Variants in NLRP14 observed in about 807,000 individuals in gnomAD.
The protein encoded by NLRP14 is NACHT, LRR and PYD domains-containing protein 14.
In NLRP14, 105 loss-of-function variants were observed where a neutral mutation model predicts 94.7. The observed-to-expected ratio is 1.11, with a 90% CI of 0.95 to 1.30. The LOEUF (loss-of-function observed/expected upper bound fraction) is 1.30, where lower values mean the gene tolerates loss of function less well. Ranked by LOEUF, NLRP14 falls within the 50% of genes most tolerant of loss-of-function variation. NLRP14 has a pLI of 0.00. For synonymous variants in NLRP14, 508 were observed against 459.9 expected (o/e 1.10, Z -1.34); for missense variants, 1,362 against 1,254.1 (o/e 1.09, Z -1.30).
At chr11:7,070,493 T>A in intron 11 of NLRP14, 37 bp downstream of exon 11, 1 of 1,490,674 alleles carries the variant, frequency 6.7e-7, no homozygotes, top group South Asian at 1.1e-5. Flanking sequence ...GAGCATTTCC[T>A]ATAATGAGGG....
intron 1 of NLRP14, among the ~76,000 whole-genome samples, chr11:7,021,570 G>A (rs994359560): frequency 5.3e-5 from 8 of 152,054 alleles, no homozygotes; most frequent in African/African-American, 1.9e-4. Context: ...ACTAGGTGGT[G>A]GTAAGCAAGT....
chr11:7,089,063 C>A, the NLRP14 span: 2 of 1,567,656 alleles, frequency 1.3e-6, no homozygotes, highest in Non-Finnish European at 1.7e-6. Context: ...TCGAAGGCTG[C>A]GACTGGCGCC....
At chr11:7,027,761 A>G (rs1852035441) in intron 1 of NLRP14, among the ~76,000 whole-genome samples, 1 of 152,090 alleles carries the variant, frequency 6.6e-6, no homozygotes, top group Admixed American at 6.6e-5. Flanking sequence ...GTAACTATTG[A>G]TCTCAATGTT....
At chr11:7,061,834 T>A (rs1852625910) in intron 9 of NLRP14, among the ~76,000 whole-genome samples, 1 of 152,026 alleles carries the variant, frequency 6.6e-6, no homozygotes, top group African/African-American at 2.4e-5. Context: ...GGTTAGAGAA[T>A]AATGTGGGGA....
At chr11:7,079,437 T>C in the NLRP14 span, among the ~76,000 whole-genome samples, 1 of 152,232 alleles carries the variant, frequency 6.6e-6, no homozygotes, top group South Asian at 2.1e-4. Flanking sequence ...TAAAAAGTAA[T>C]CGTTCTTTAT....
At chr11:7,028,637 T>C (rs1482243069) in intron 1 of NLRP14, among the ~76,000 whole-genome samples, 2 of 152,188 alleles carry the variant, frequency 1.3e-5, no homozygotes, top group Admixed American at 6.5e-5. Context: ...CTCTACATGA[T>C]ATCTCTCTTC....
At chr11:7,073,693 C>T (rs977359377), downstream of NLRP14, among the ~76,000 whole-genome samples, 1 of 152,178 alleles carries the variant, frequency 6.6e-6, no homozygotes, top group African/African-American at 2.4e-5. Context: ...AAGTACTTTG[C>T]TTATGTTTAC....
intron 10 of NLRP14, among the ~76,000 whole-genome samples, chr11:7,068,229 GT>G (rs1352407109): frequency 1.3e-5 from 2 of 151,778 alleles, no homozygotes; most frequent in Non-Finnish European, 2.9e-5. Flanking sequence ...ATTAATTTCT[GT>G]TTTTATCTTA....
At chr11:7,038,907 G>C (rs1320554078) in intron 2 of NLRP14, 32 bp downstream of exon 2, 2 of 1,607,436 alleles carry the variant, frequency 1.2e-6, no homozygotes, top group East Asian at 2.2e-5. Context: ...TCGGGGGCTA[G>C]GCAGGAAGGA....
the NLRP14 span, among the ~76,000 whole-genome samples, chr11:7,084,527 C>A: frequency 6.6e-6 from 1 of 152,140 alleles, no homozygotes; most frequent in Non-Finnish European, 1.5e-5. Flanking sequence ...GTGTCTATGT[C>A]ATGAAGCCTC....
the NLRP14 span, among the ~76,000 whole-genome samples, chr11:7,079,117 G>A: frequency 6.6e-6 from 1 of 152,202 alleles, no homozygotes; most frequent in Non-Finnish European, 1.5e-5. Flanking sequence ...TCAGGACATA[G>A]CCCTGTGCAG....
chr11:7,080,764 TAAAGAA>T, the NLRP14 span, among the ~76,000 whole-genome samples: 1 of 152,158 alleles, frequency 6.6e-6, no homozygotes, highest in Non-Finnish European at 1.5e-5. Context: ...GCGTAAGACT[TAAAGAA>T]AGAGGAAAGA....
chr11:7,053,745 C>T (rs1350027218), intron 6 of NLRP14, among the ~76,000 whole-genome samples: 2 of 151,970 alleles, frequency 1.3e-5, no homozygotes, highest in Non-Finnish European at 1.5e-5. Flanking sequence ...ATAATAATCA[C>T]ATCAAGGTAA....
the NLRP14 span, among the ~76,000 whole-genome samples, chr11:7,082,093 G>T: frequency 1.3e-5 from 2 of 152,118 alleles, no homozygotes; most frequent in African/African-American, 2.4e-5. Context: ...ATTTTAGAAG[G>T]TCTGTACCAG....
chr11:7,068,291 T>A (rs2119714450), intron 10 of NLRP14, among the ~76,000 whole-genome samples: 1 of 152,312 alleles, frequency 6.6e-6, no homozygotes, highest in South Asian at 2.1e-4. Flanking sequence ...ACTAAATTCT[T>A]GAGTTGTATG....
At chr11:7,089,313 G>T in the NLRP14 span, 1 of 1,606,038 alleles carries the variant, frequency 6.2e-7, no homozygotes, top group African/African-American at 1.3e-5. Context: ...CGCCAAGGCC[G>T]CCGCCAGAGA....
At chr11:7,026,460 C>A (rs1175863578) in intron 1 of NLRP14, among the ~76,000 whole-genome samples, 3 of 152,086 alleles carry the variant, frequency 2.0e-5, no homozygotes, top group Admixed American at 6.6e-5. Context: ...AGTGAGATAC[C>A]ATCTCACACC....
At chr11:7,089,114 G>T in the NLRP14 span, 3 of 1,612,870 alleles carry the variant, frequency 1.9e-6, no homozygotes, top group Non-Finnish European at 2.5e-6. Context: ...CCGTTCGACC[G>T]GCAAACATGG....
chr11:7,089,626 C>A, the NLRP14 span: 1 of 1,248,218 alleles, frequency 8.0e-7, no homozygotes, highest in Non-Finnish European at 1.0e-6. Context: ...CCGTCGGGCC[C>A]GGCTCGCAGC....
Sources: gnomAD v4.1 joint callset for allele counts (sites outside exome capture counted in the v4.1 genomes callset) on GRCh38, gnomAD v4.1.1 for gene constraint, MANE v1.5 for transcripts, NCBI Gene and HGNC (gene_info 2026-07-23, HGNC 2026-07-21) for gene names.